C11orf98: variants seen among roughly 807,000 people sequenced by gnomAD.
C11orf98 encodes the protein 28S rRNA/ribosome and sororin micro-cofactor.
In C11orf98, 7 loss-of-function variants were observed where a neutral mutation model predicts 10.9. The ratio of observed to expected loss-of-function variants is 0.64; its 90% CI spans 0.37 to 1.21. The LOEUF (loss-of-function observed/expected upper bound fraction) is 1.21. Among genes scored for constraint, C11orf98 ranks in the 50% most tolerant of loss-of-function variants. C11orf98 has a pLI of 0.02. For missense variants in C11orf98, 181 were observed against 153.7 expected, an observed-to-expected ratio of 1.18 and a Z score of -0.94; for synonymous variants, 70 against 57.2, an observed-to-expected ratio of 1.22 and a Z score of -1.01.
At position 62,664,988 on chromosome 11, in the gene C11orf98, G is replaced by A. The variant is rs201122893; in HGVS notation, c.40-15C>T. ...TTCTTCAGCTCCTGCCGGGGAGAAAGATGCGAATCAGATGGAGTGGGCTCG... is the reference window on the plus strand; with the variant it reads ...TTCTTCAGCTCCTGCCGGGGAGAAAAATGCGAATCAGATGGAGTGGGCTCG... On this transcript the variant is annotated splice_polypyrimidine_tract_variant and intron_variant, in intron 1 of 3. Transcript: ENST00000524958. 3.9e-4 allele frequency: 620 copies of A among 1,608,954 alleles called. 6 individuals carry two copies. The highest frequency in any genetic ancestry group is 3.0e-4 in the Non-Finnish European group (355 of 1,179,796).
chr11:62,663,188 C>G, intron 3 of C11orf98, 29 bp from the exon 4 acceptor site: 1 of 1,613,758 alleles, frequency 6.2e-7, no homozygotes, highest in Non-Finnish European at 8.5e-7. Flanking sequence ...GAAGTATTAT[C>G]CCAAATAAAT....
Position 62,665,164 on chromosome 11 carries a change from TC to T in C11orf98, c.5del (p.Gly2GlufsTer14). 1 of 899,030 alleles carries T rather than the reference TC, an allele frequency of 1.1e-6. No homozygotes were observed. The highest frequency in any genetic ancestry group is 1.8e-6 in the Non-Finnish European group (1 of 564,670). The allele number at this position is 899,030 out of a possible 1,614,324, so 55.7% of individuals were successfully genotyped here. A position where few individuals can be genotyped will look rare whatever the true frequency, so the allele number is the denominator to read the frequency against. On this transcript the variant is annotated frameshift_variant, in exon 1 of 4. Transcript: ENST00000524958. LOFTEE classifies it high-confidence loss of function. ...GCCGGTTGATCTTTCCCCCCGGAGC[TC>T]CCATAGTCGCGATTCCACTCCAGTT... The part of the protein sequence containing the change: M[G>X]APGGKINRPR...
chr11:62,664,756 A>C lies in C11orf98; in HGVS notation c.164+93T>G. 7.5e-6 allele frequency: 11 copies of C among 1,462,698 alleles called. No homozygotes were observed. In the South Asian group the frequency reaches 1.4e-4, roughly 18 times the overall value. The allele number at this position is 1,462,698 out of a possible 1,614,324, so 90.6% of individuals were successfully genotyped here. ...TTCCCCGCATAAGCGTCAGTGCACAAGGTGAGCTGAGAGGTGAAGCTGCTC... is the reference window on the plus strand; with the variant it reads ...TTCCCCGCATAAGCGTCAGTGCACACGGTGAGCTGAGAGGTGAAGCTGCTC... On this transcript the variant is annotated intron_variant, in intron 2 of 3. Transcript: ENST00000524958.
rs2134609438 is a variant in C11orf98, at chr11:62,664,868, G to T, written c.145C>A (p.His49Asn). 1 of 1,575,074 alleles carries T rather than the reference G, an allele frequency of 6.3e-7. No individual in the cohort carries two copies. The change falls in exon 2 of 4, where the codon CAC (histidine) becomes AAC (asparagine). Residue 49 changes from histidine (H) to asparagine (N), a missense_variant. His to Asn is a moderately conservative substitution (Grantham distance 68, BLOSUM62 1). Transcript: ENST00000524958. ...ACTTACGCCCGCTTCTTGAGGTGGT[G>T]CCGCGTGATCAGCCCTTGGTCTATC... is the stretch of plus-strand genomic sequence containing the variant. ...AVIDQGLITR[H>N]HLKKRASSAR...
chr11:62,663,320 C>T lies in C11orf98; in HGVS notation c.178G>A (p.Ala60Thr). 1 of 1,614,090 alleles carries T rather than the reference C, an allele frequency of 6.2e-7. No individual in the cohort carries two copies. ...HLKKRASSAR[A>T]NITLSGKKRR... ...TTCTTCCCTGACAGTGTAATGTTGG[C>T]ACGTGCACTGGACCTGATGGGTAAG... The change falls in exon 3 of 4, where the codon GCC becomes ACC. Residue 60 changes from alanine to threonine, a missense_variant. Ala to Thr is a moderately conservative substitution (Grantham distance 58). Coordinates refer to ENST00000524958, the MANE Select transcript of C11orf98 (RefSeq NM_001286086.2).
rs565407042 is a variant in C11orf98 at position 62,662,839 on chromosome 11, C to A, written c.*211G>T. The A allele has an allele frequency of 5.1e-5, 29 of 563,744 alleles. No homozygotes were observed. The South Asian group carries it at 6.8e-4, about 13-fold the overall frequency. The allele number at this position is 563,744 out of a possible 1,614,324, so 34.9% of individuals were successfully genotyped here. A position where few individuals can be genotyped will look rare whatever the true frequency, so the allele number is the denominator to read the frequency against. On this transcript the variant is annotated 3_prime_UTR_variant, in exon 4 of 4. Coordinates refer to ENST00000524958, the MANE Select transcript of C11orf98 (RefSeq NM_001286086.2). ...ATCTCAGAGTGCTAGGGCTTTATTA[C>A]AAATGGAGTTGACTGCTAGAGAGGC... is the stretch of plus-strand genomic sequence containing the variant.
At chr11:62,664,683 G>A (rs1944746138) in intron 2 of C11orf98, among the ~76,000 whole-genome samples, 166 bp downstream of exon 2, 1 of 152,124 alleles carries the variant, frequency 6.6e-6, no homozygotes. Context: ...GTCTGCTACA[G>A]GTATTGTGAG....
In C11orf98 at chr11:62,664,883, CTT is replaced by C; in HGVS notation, c.128_129del (p.Gln43ArgfsTer55). The C allele has an allele frequency of 6.3e-7, 1 of 1,586,364 alleles. No individual in the cohort carries two copies. Among genetic ancestry groups the C allele is most frequent in the Non-Finnish European group, 8.6e-7 (1 of 1,166,372 alleles). On this transcript the variant is annotated frameshift_variant, in exon 2 of 4. Transcript: ENST00000524958. LOFTEE classifies it high-confidence loss of function. ...RHRVVGAVIDQGLITRHHLKK... is the reference protein window; with the variant it reads ...RHRVVGAVIDXGLITRHHLKK... ...TTGAGGTGGTGCCGCGTGATCAGCC[CTT>C]GGTCTATCACAGCCCCGACCACCCG...
In C11orf98 at chr11:62,665,045, C is replaced by T. The variant is rs929691921; in HGVS notation, c.40-72G>A. On this transcript the variant is annotated intron_variant, in intron 1 of 3. Coordinates refer to ENST00000524958, the MANE Select transcript of C11orf98 (RefSeq NM_001286086.2). ...CCCGGGGCCCCTCCACCAGGCAGCC[C>T]CGGCCCCTCACTGATCCCATCTCGT... 13 of 1,592,470 alleles carry T rather than the reference C, an allele frequency of 8.2e-6. No homozygotes were observed. In the East Asian group the frequency reaches 2.9e-4, roughly 36 times the overall value.
chr11:62,663,393 A>G, intron 2 of C11orf98, 60 bp from the exon 3 acceptor site: 1 of 1,535,794 alleles, frequency 6.5e-7, no homozygotes, highest in Non-Finnish European at 8.9e-7. Context: ...AGGTCACACA[A>G]ATAGTTCTGG....
intron 2 of C11orf98, among the ~76,000 whole-genome samples, chr11:62,664,589 C>A (rs1025889105): frequency 2.6e-5 from 4 of 152,142 alleles, no homozygotes; most frequent in African/African-American, 7.2e-5. Flanking sequence ...CCTCAGCCCC[C>A]CAAAGTGCTG....
chr11:62,664,938 C>T lies in C11orf98; in HGVS notation c.75G>A (p.Val25=). 1 of 1,608,826 alleles carries T rather than the reference C, an allele frequency of 6.2e-7. No homozygotes were observed. Among genetic ancestry groups the T allele is most frequent in the Non-Finnish European group, 8.5e-7 (1 of 1,177,954 alleles). ...GCCTCAGACGCCGCTCCCGATTCAA[C>T]ACCCGCCGGCGTTTGAACAGCTTCT... ...LKKKLFKRRR[V]LNRERRLRHR... Residue 25 remains valine (V), a synonymous_variant, in exon 2 of 4, where the codon GTG becomes GTA. Transcript: ENST00000524958.
rs371721281 is a variant in C11orf98 at position 62,664,909 on chromosome 11, C to T, written c.104G>A (p.Arg35Gln). ...TTGGTCTATCACAGCCCCGACCACC[C>T]GGTGCCTCAGACGCCGCTCCCGATT... ...VLNRERRLRHRVVGAVIDQGL... is the reference protein window; with the variant it reads ...VLNRERRLRHQVVGAVIDQGL... The change falls in exon 2 of 4, where the codon CGG becomes CAG. Residue 35 changes from arginine (R) to glutamine (Q), a missense_variant. Physicochemically the swap from Arg to Gln is conservative, Grantham distance 43 (BLOSUM62 1). Transcript: ENST00000524958. 8.8e-5 allele frequency: 141 copies of T among 1,599,854 alleles called. 2 individuals carry two copies. Among genetic ancestry groups the T allele is most frequent in the Admixed American group, 7.0e-5 (4 of 57,476 alleles).
At chr11:62,663,865 G>C (rs552443399) in intron 2 of C11orf98, among the ~76,000 whole-genome samples, 9 of 151,400 alleles carry the variant, frequency 5.9e-5, no homozygotes, top group Non-Finnish European at 1.0e-4. Context: ...CTGAGGTCAG[G>C]AGTTCAAGAC....
Position 62,664,848 on chromosome 11 carries a change from C to G in C11orf98, c.164+1G>C, listed in dbSNP as rs763180637. ...CAACAGGAAGAGGGTCTAGTACTTA[C>G]GCCCGCTTCTTGAGGTGGTGCCGCG... On this transcript the variant is annotated splice_donor_variant, in intron 2 of 3. Coordinates refer to ENST00000524958, the MANE Select transcript of C11orf98 (RefSeq NM_001286086.2). LOFTEE classifies it high-confidence loss of function. The G allele has an allele frequency of 1.9e-6, 3 of 1,564,466 alleles. No homozygotes were observed. Among genetic ancestry groups the G allele is most frequent in the Non-Finnish European group, 1.7e-6 (2 of 1,154,080 alleles).
Position 62,664,922 on chromosome 11 carries a change from G to T in C11orf98, c.91C>A (p.Arg31Ser). ...GCCCCGACCACCCGGTGCCTCAGAC[G>T]CCGCTCCCGATTCAACACCCGCCGG... ...KRRRVLNRER[R>S]LRHRVVGAVI... Residue 31 changes from arginine to serine, a missense_variant, in exon 2 of 4, where the codon CGT becomes AGT. Transcript: ENST00000524958. 6.2e-7 allele frequency: 1 copy of T among 1,604,224 alleles called. No individual in the cohort carries two copies. The highest frequency in any genetic ancestry group is 8.5e-7 in the Non-Finnish European group (1 of 1,175,740).
chr11:62,664,767 G>A, intron 2 of C11orf98, 82 bp downstream of exon 2: 2 of 1,507,350 alleles, frequency 1.3e-6, no homozygotes, highest in East Asian at 2.5e-5. Context: ...GGTGAGCTGA[G>A]AGGTGAAGCT....
intron 1 of C11orf98, 76 bp from the exon 2 acceptor site, chr11:62,665,049 C>G: frequency 1.9e-6 from 3 of 1,584,290 alleles, no homozygotes; most frequent in Non-Finnish European, 2.6e-6. Flanking sequence ...GCAGCCCCGG[C>G]CCCTCACTGA....
At chr11:62,665,106 A>G (rs957519096) in intron 1 of C11orf98, 25 bp downstream of exon 1, 3 of 1,350,664 alleles carry the variant, frequency 2.2e-6, no homozygotes, top group African/African-American at 2.9e-5. Flanking sequence ...TTGAGGAAAC[A>G]AAGTCGCGGC....
Sources: gnomAD v4.1 joint callset for allele counts (sites outside exome capture counted in the v4.1 genomes callset) on GRCh38, gnomAD v4.1.1 for gene constraint, MANE v1.5 for transcripts, NCBI Gene and HGNC (gene_info 2026-07-23, HGNC 2026-07-21) for gene names.